The following AUTS2 variants were observed in gnomAD, a reference collection of about 807,000 sequenced individuals.
The protein encoded by AUTS2 is autism susceptibility gene 2 protein.
A neutral mutation model predicts 112.4 loss-of-function variants in AUTS2; 17 were observed. The observed-to-expected ratio is 0.15, with a 90% CI of 0.10 to 0.23. The LOEUF (loss-of-function observed/expected upper bound fraction) is 0.23, where lower values mean the gene tolerates loss of function less well. AUTS2 is among the 10% of genes least tolerant of loss of function. AUTS2 has a pLI of 1.00. For missense variants in AUTS2, 1,510 were observed against 1,701.6 expected, an observed-to-expected ratio of 0.89 and a Z score of 1.98; for synonymous variants, 751 against 702.7, an observed-to-expected ratio of 1.07 and a Z score of -1.09.
chr7:70,175,365 G>A (rs1808930679), intron 4 of AUTS2, among the ~76,000 whole-genome samples: 1 of 152,212 alleles, frequency 6.6e-6, no homozygotes, highest in South Asian at 2.1e-4. Context: ...TACTCCTGGT[G>A]AAGATGCTGT....
intron 6 of AUTS2, chr7:70,729,192 G>A (rs753440326): frequency 4.4e-6 from 2 of 456,390 alleles, no homozygotes; most frequent in South Asian, 1.5e-5. Context: ...CCGGGGGTGG[G>A]GCTTGGAGCT....
At chr7:69,967,992 C>T (rs1010893062) in intron 2 of AUTS2, among the ~76,000 whole-genome samples, 8 of 152,128 alleles carry the variant, frequency 5.3e-5, no homozygotes, top group Admixed American at 1.3e-4. Flanking sequence ...CTGACGTTGC[C>T]GCTGACCAAG....
intron 2 of AUTS2, among the ~76,000 whole-genome samples, chr7:70,054,036 C>T (rs900520894): frequency 7.2e-5 from 11 of 152,194 alleles, no homozygotes; most frequent in Admixed American, 1.3e-4. Context: ...TTCCACTTGG[C>T]ACTGTCCAAT....
At chr7:70,331,632 G>A (rs568487343) in intron 4 of AUTS2, among the ~76,000 whole-genome samples, 36 of 151,164 alleles carry the variant, frequency 2.4e-4, no homozygotes, top group South Asian at 2.1e-4. Flanking sequence ...TAATCAAGTC[G>A]GCTTCATCCC....
chr7:69,727,800 A>G (rs907690596), intron 1 of AUTS2, among the ~76,000 whole-genome samples: 4 of 152,064 alleles, frequency 2.6e-5, no homozygotes, highest in Admixed American at 2.6e-4. Flanking sequence ...TGTTTTTACT[A>G]TTGTAGGCCC....
chr7:70,137,320 A>C (rs149400511), intron 4 of AUTS2, among the ~76,000 whole-genome samples: 2 of 152,196 alleles, frequency 1.3e-5, no homozygotes, highest in African/African-American at 4.8e-5. Flanking sequence ...ACAGAGAGAC[A>C]CACATATATA....
intron 1 of AUTS2, among the ~76,000 whole-genome samples, chr7:69,679,409 A>G (rs1796699638): frequency 6.6e-6 from 1 of 152,220 alleles, no homozygotes; most frequent in Non-Finnish European, 1.5e-5. Flanking sequence ...TCCAGGTCTT[A>G]CCTTATAAGG....
At chr7:69,719,912 T>C (rs1441303256) in intron 1 of AUTS2, among the ~76,000 whole-genome samples, 1 of 152,172 alleles carries the variant, frequency 6.6e-6, no homozygotes, top group Admixed American at 6.5e-5. Flanking sequence ...TTTGATTCCC[T>C]GGTAGGGACC....
intron 4 of AUTS2, among the ~76,000 whole-genome samples, chr7:70,423,398 A>G (rs1296664534): frequency 1.3e-5 from 2 of 152,234 alleles, no homozygotes; most frequent in African/African-American, 2.4e-5. Context: ...TAAAATATGT[A>G]GCTTCCTACT....
intron 1 of AUTS2, among the ~76,000 whole-genome samples, chr7:69,737,096 T>A (rs1053776191): frequency 6.6e-6 from 1 of 152,130 alleles, no homozygotes; most frequent in African/African-American, 2.4e-5. Flanking sequence ...TTTTCCATTT[T>A]GCTGTAGACT....
intron 3 of AUTS2, among the ~76,000 whole-genome samples, chr7:70,131,351 C>T (rs1272663109): frequency 6.6e-6 from 1 of 152,006 alleles, no homozygotes; most frequent in African/African-American, 2.4e-5. Flanking sequence ...GAGGCTGAGG[C>T]AGGAGGATCA....
intron 2 of AUTS2, among the ~76,000 whole-genome samples, chr7:70,006,074 G>A (rs1799533083): frequency 6.6e-6 from 1 of 152,142 alleles, no homozygotes; most frequent in Non-Finnish European, 1.5e-5. Flanking sequence ...CCACTTCCAA[G>A]AAGTGAGTCG....
At chr7:69,804,558 A>G (rs762179436) in intron 1 of AUTS2, among the ~76,000 whole-genome samples, 2 of 152,200 alleles carry the variant, frequency 1.3e-5, no homozygotes, top group Non-Finnish European at 2.9e-5. Flanking sequence ...AGTGCCTCCA[A>G]TGAAGACTTA....
intron 2 of AUTS2, among the ~76,000 whole-genome samples, chr7:70,103,438 A>T (rs1168493311): frequency 6.6e-6 from 1 of 151,990 alleles, no homozygotes; most frequent in Non-Finnish European, 1.5e-5. Flanking sequence ...TAGAATATTC[A>T]GTCAGGGATC....
chr7:70,444,328 C>G lies in AUTS2; in HGVS notation c.690+8547C>G, dbSNP rs975874627. Reference sequence around the variant, plus strand: ...TGTTCTGTCTTCAATGAAGATAGAACTTTTTGGTCATGTACGTGTGTGTGT... The same window carrying G: ...TGTTCTGTCTTCAATGAAGATAGAAGTTTTTGGTCATGTACGTGTGTGTGT... On this transcript the variant is annotated intron_variant, in intron 5 of 18. Transcript: ENST00000342771. Among the ~76,000 whole-genome samples the G allele has an allele frequency of 6.3e-5, 9 of 142,938 alleles. 1 individual carries two copies. Among genetic ancestry groups the G allele is most frequent in the Admixed American group, 6.3e-4 (9 of 14,344 alleles). The allele number at this position is 142,938 out of a possible 152,430, so 93.8% of individuals were successfully genotyped here.
intron 1 of AUTS2, among the ~76,000 whole-genome samples, chr7:69,741,991 G>A (rs1221194593): frequency 3.3e-5 from 5 of 151,950 alleles, no homozygotes; most frequent in Admixed American, 2.6e-4. Context: ...TGTAGAGACA[G>A]GGTCTCCCTA....
At chr7:70,216,293 G>A (rs1584888462) in intron 4 of AUTS2, among the ~76,000 whole-genome samples, 1 of 152,230 alleles carries the variant, frequency 6.6e-6, no homozygotes, top group East Asian at 1.9e-4. Flanking sequence ...AAAGGTGTAT[G>A]ACGGGCTTGA....
In AUTS2 at chr7:69,614,400, G is replaced by T. The variant is rs1225441210; in HGVS notation, c.309+14438G>T. Among the ~76,000 whole-genome samples the T allele has an allele frequency of 5.4e-5, 3 of 56,056 alleles. 1 individual carries two copies. The highest frequency in any genetic ancestry group is 1.1e-4 in the African/African-American group (2 of 17,416). 36.8% of individuals were successfully genotyped at this position (56,056 alleles called of 152,430 possible). A position where few individuals can be genotyped will look rare whatever the true frequency, so the allele number is the denominator to read the frequency against. On this transcript the variant is annotated intron_variant, in intron 1 of 18. Coordinates refer to ENST00000342771, the MANE Select transcript of AUTS2 (RefSeq NM_015570.4). The stretch of plus-strand genomic sequence containing the variant: ...AGATGGGATCTCACTCTGTTTCCCA[G>T]GCTGGAGTGCAGCAGTAATCATAGC...
At chr7:70,047,200 A>G (rs1289305651) in intron 2 of AUTS2, among the ~76,000 whole-genome samples, 1 of 152,222 alleles carries the variant, frequency 6.6e-6, no homozygotes, top group Non-Finnish European at 1.5e-5. Context: ...AAACTCTTAT[A>G]CAGGCCAGTA....
Sources: gnomAD v4.1 joint callset for allele counts (sites outside exome capture counted in the v4.1 genomes callset) on GRCh38, gnomAD v4.1.1 for gene constraint, MANE v1.5 for transcripts, NCBI Gene and HGNC (gene_info 2026-07-23, HGNC 2026-07-21) for gene names.